Variants in NBPF9 observed in about 807,000 individuals in gnomAD.
NBPF9 encodes NBPF family member NBPF9.
In NBPF9, 91 loss-of-function variants were observed where a neutral mutation model predicts 97.8. The observed-to-expected ratio is 0.93, with a 90% CI of 0.79 to 1.11. The LOEUF (loss-of-function observed/expected upper bound fraction) is 1.11. Among genes scored for constraint, NBPF9 ranks in the 50% least tolerant of loss-of-function variants. The probability of loss-of-function intolerance (pLI) is 0.00; values close to 1 mark genes in which losing one functional copy is unlikely to be tolerated. For missense variants in NBPF9, 992 were observed against 939.5 expected (o/e 1.06, Z -0.73); for synonymous variants, 334 against 359.5 (o/e 0.93, Z 0.80).
chr1:149,072,331 G>A (rs1321814558), intron 14 of NBPF9, among the ~76,000 whole-genome samples: 2 of 152,110 alleles, frequency 1.3e-5, no homozygotes, highest in African/African-American at 2.4e-5. Flanking sequence ...AACTCAGGAA[G>A]GACAAGTCAT....
At chr1:149,072,799 T>C (rs782034046) in exon 14 of NBPF9, 4 of 1,581,502 alleles carry the variant, frequency 2.5e-6, no homozygotes, top group Non-Finnish European at 3.5e-6. Context: ...CCCTGGGACT[T>C]GTCCGGCTCA....
At position 149,071,158 on chromosome 1, in the gene NBPF9, C is replaced by G. The variant is rs782727281; in HGVS notation, c.1380-19G>C. ...CATCTCCCTGATGAGCCAGGTGGGA[C>G]AGAGATGACAGAAGATTAAACACAG... is the stretch of plus-strand genomic sequence containing the variant. On this transcript the variant is annotated intron_variant, in intron 15 of 29. Coordinates refer to ENST00000584027, the Ensembl canonical transcript of NBPF9. 6 of 1,420,008 alleles carry G rather than the reference C, an allele frequency of 4.2e-6. No homozygotes were observed. Among genetic ancestry groups the G allele is most frequent in the African/African-American group, 1.4e-5 (1 of 70,732 alleles). The allele number at this position is 1,420,008 out of a possible 1,614,324, so 88.0% of individuals were successfully genotyped here. A position where few individuals can be genotyped will look rare whatever the true frequency, so the allele number is the denominator to read the frequency against.
At chr1:149,056,197 C>T (rs1433442348) in intron 29 of NBPF9, among the ~76,000 whole-genome samples, 1 of 150,124 alleles carries the variant, frequency 6.7e-6, no homozygotes, top group Non-Finnish European at 1.5e-5. Flanking sequence ...AGTTAGTGCC[C>T]TCATGACACA....
intron 16 of NBPF9, among the ~76,000 whole-genome samples, chr1:149,070,626 T>G (rs79160314): frequency 0.05 from 7,408 of 149,198 alleles, 503 homozygotes; most frequent in East Asian, 0.43. Flanking sequence ...CAGGGACAGA[T>G]GACTTAATCA....
intron 3 of NBPF9, among the ~76,000 whole-genome samples, chr1:149,100,980 G>A (rs2082109600): frequency 6.6e-6 from 1 of 151,624 alleles, no homozygotes; most frequent in Admixed American, 6.6e-5. Flanking sequence ...TTGCTATAAG[G>A]TTAACACAGA....
At chr1:149,079,716 T>G (rs2080240338) in intron 8 of NBPF9, among the ~76,000 whole-genome samples, 1 of 151,614 alleles carries the variant, frequency 6.6e-6, no homozygotes, top group African/African-American at 2.4e-5. Flanking sequence ...AGGAGGTGAT[T>G]CTCACTAAGG....
At position 149,059,477 on chromosome 1, in the gene NBPF9, G is replaced by A. The variant is rs1553649698; in HGVS notation, c.2585+223C>T. The stretch of plus-strand genomic sequence containing the variant: ...AAAATTCGATGCAGTGGCCATGAAA[G>A]TACAGCTTTTGAAGTATGGTCAACC... On this transcript the variant is annotated intron_variant, in intron 25 of 29. Coordinates refer to ENST00000584027, the Ensembl canonical transcript of NBPF9. 5.0e-6 allele frequency: 2 copies of A among 397,736 alleles called. 1 individual carries two copies. Among genetic ancestry groups the A allele is most frequent in the Non-Finnish European group, 9.0e-6 (2 of 222,928 alleles). 24.6% of individuals were successfully genotyped at this position (397,736 alleles called of 1,614,324 possible). A position where few individuals can be genotyped will look rare whatever the true frequency, so the allele number is the denominator to read the frequency against.
intron 5 of NBPF9, among the ~76,000 whole-genome samples, chr1:149,086,906 G>T (rs2081047767): frequency 6.6e-6 from 1 of 152,216 alleles, no homozygotes; most frequent in African/African-American, 2.4e-5. Context: ...TCCCAGGAAT[G>T]GAATGACTGT....
At chr1:149,087,745 C>G (rs76543963) in intron 5 of NBPF9, among the ~76,000 whole-genome samples, 1 of 150,442 alleles carries the variant, frequency 6.6e-6, no homozygotes, top group Non-Finnish European at 1.5e-5. Context: ...TATCTCCCCA[C>G]TAATTTAGTT....
rs1310708585 is a variant in NBPF9 at position 149,061,534 on chromosome 1, G to A, written c.2252-151C>T. ...TATACTTCAGGAAGCCTGAAAGCTG[G>A]TCATGATATTCTTTGGTTTGCATCT... On this transcript the variant is annotated intron_variant, in intron 22 of 29. Coordinates refer to ENST00000584027, the Ensembl canonical transcript of NBPF9. The A allele has an allele frequency of 2.3e-5, 10 of 432,398 alleles. 4 individuals are homozygous for A. Among genetic ancestry groups the A allele is most frequent in the South Asian group, 7.1e-5 (3 of 42,362 alleles). 26.8% of individuals were successfully genotyped at this position (432,398 alleles called of 1,614,324 possible).
chr1:149,091,603 G>A (rs1257377504), intron 4 of NBPF9, among the ~76,000 whole-genome samples: 2 of 151,070 alleles, frequency 1.3e-5, no homozygotes, highest in East Asian at 4.0e-4. Flanking sequence ...AAGAAATGCA[G>A]AGCAGAGAGC....
chr1:149,054,083 C>T (rs1281205978), exon 30 of NBPF9: 1 of 150,486 alleles, frequency 6.6e-6, no homozygotes, highest in African/African-American at 2.4e-5. Context: ...CAAAACCAAT[C>T]AGCATAATCA....
chr1:149,058,585 T>C, intron 26 of NBPF9: 3 of 253,962 alleles, frequency 1.2e-5, no homozygotes, highest in Non-Finnish European at 2.2e-5. Context: ...ATGCAAGAAT[T>C]TTAGACACTG....
intron 5 of NBPF9, among the ~76,000 whole-genome samples, chr1:149,089,675 C>T (rs1475093052): frequency 1.0e-4 from 16 of 152,422 alleles, no homozygotes; most frequent in South Asian, 4.1e-4. Context: ...TGCTCATATT[C>T]GGAAAAGACA....
intron 5 of NBPF9, among the ~76,000 whole-genome samples, chr1:149,088,514 T>C (rs1227602504): frequency 6.6e-6 from 1 of 152,210 alleles, no homozygotes; most frequent in African/African-American, 2.4e-5. Flanking sequence ...TGCCATTTAA[T>C]ATAATGTTAC....
chr1:149,085,172 C>T (rs587615666), intron 5 of NBPF9, among the ~76,000 whole-genome samples: 1 of 152,054 alleles, frequency 6.6e-6, no homozygotes, highest in Non-Finnish European at 1.5e-5. Flanking sequence ...TGGACAGACA[C>T]CTTCCCCCAC....
At chr1:149,075,336 G>A (rs1181160390) in intron 12 of NBPF9, among the ~76,000 whole-genome samples, 21 of 152,188 alleles carry the variant, frequency 1.4e-4, no homozygotes, top group Non-Finnish European at 2.8e-4. Context: ...TTGTCTGCAG[G>A]ATCTTATATG....
chr1:149,070,588 C>A (rs1435610127), intron 16 of NBPF9, among the ~76,000 whole-genome samples: 1 of 150,886 alleles, frequency 6.6e-6, no homozygotes, highest in Non-Finnish European at 1.5e-5. Context: ...CTTCCTTAAA[C>A]AGGCATAGAA....
intron 25 of NBPF9, 116 bp downstream of exon 25, chr1:149,059,584 G>T (rs2078468715): frequency 2.0e-6 from 1 of 495,400 alleles, no homozygotes; most frequent in Non-Finnish European, 3.6e-6. Context: ...AGCAATGACA[G>T]TAGGAGTAAT....
Sources: gnomAD v4.1 joint callset for allele counts (sites outside exome capture counted in the v4.1 genomes callset) on GRCh38, gnomAD v4.1.1 for gene constraint, MANE v1.5 for transcripts, NCBI Gene and HGNC (gene_info 2026-07-23, HGNC 2026-07-21) for gene names.